The following PDK3 variants were observed in gnomAD, a reference collection of about 807,000 sequenced individuals.
The protein encoded by PDK3 is pyruvate dehydrogenase kinase, isozyme 3.
In PDK3, 12 loss-of-function variants were observed where a neutral mutation model predicts 32.0. The ratio of observed to expected loss-of-function variants is 0.37; its 90% CI spans 0.24 to 0.61. The LOEUF is 0.61. Among genes scored for constraint, PDK3 ranks in the 20% least tolerant of loss-of-function variants. The pLI, the probability that PDK3 is intolerant of heterozygous loss-of-function variation, is 0.65. For missense variants in PDK3, 188 were observed against 316.9 expected (o/e 0.59, Z 3.09); for synonymous variants, 122 against 116.3 (o/e 1.05, Z -0.31).
intron 1 of PDK3, among the ~76,000 whole-genome samples, chrX:24,488,668 G>C (rs1921468597): frequency 8.9e-6 from 1 of 112,129 alleles, no homozygotes; most frequent in African/African-American, 3.2e-5. Flanking sequence ...CTGCACTCCA[G>C]CCTGGGCAAC....
intron 1 of PDK3, among the ~76,000 whole-genome samples, chrX:24,485,209 G>A (rs1306285836): frequency 2.7e-5 from 3 of 110,858 alleles, no homozygotes; most frequent in Non-Finnish European, 3.8e-5. Flanking sequence ...TTAGCCAGGC[G>A]CGGTGGTGCA....
intron 5 of PDK3, among the ~76,000 whole-genome samples, chrX:24,508,323 G>T (rs779567993): frequency 3.9e-4 from 43 of 111,156 alleles, no homozygotes; most frequent in Non-Finnish European, 7.4e-4. Context: ...CCTCCCACAA[G>T]GCCCCACCGC....
At chrX:24,529,290 AT>A in intron 9 of PDK3, among the ~76,000 whole-genome samples, 1 of 111,753 alleles carries the variant, frequency 8.9e-6, no homozygotes, top group East Asian at 2.8e-4. Context: ...TTTTTTTCTT[AT>A]TGAAACTGAG....
chrX:24,494,144 C>G (rs183243726), intron 1 of PDK3, among the ~76,000 whole-genome samples: 89 of 112,033 alleles, frequency 7.9e-4, no homozygotes, highest in African/African-American at 2.7e-3. Flanking sequence ...TGAGTATACC[C>G]AGGAGATAGT....
chrX:24,496,771 C>CTTTTTTTTT (rs376346872), intron 2 of PDK3, among the ~76,000 whole-genome samples: 1 of 35,393 alleles, frequency 2.8e-5, no homozygotes. Flanking sequence ...TCAAAATAAT[C>CTTTTTTTTT]TTTTTTTTTT....
At position 24,496,568 on chromosome X, in the gene PDK3, C is replaced by CTTTTTTTTTTTTTT. The variant is rs763095558; in HGVS notation, c.248+1695_248+1708dup. On this transcript the variant is annotated intron_variant, in intron 2 of 10. Coordinates refer to ENST00000379162, the MANE Select transcript of PDK3 (RefSeq NM_005391.5). ...CTAATTGTCCTGATACTACCCCCAT[C>CTTTTTTTTTTTTTT]TTTTTTTTTTTTTTTTTTTTTTTGC... Among the ~76,000 whole-genome samples the CTTTTTTTTTTTTTT allele has an allele frequency of 1.5e-3, 59 of 39,326 alleles. 6 individuals carry two copies. The highest frequency in any genetic ancestry group is 5.6e-3 in the African/African-American group (50 of 9,000). 34.1% of individuals were successfully genotyped at this position (39,326 alleles called of 115,157 possible). A position where few individuals can be genotyped will look rare whatever the true frequency, so the allele number is the denominator to read the frequency against.
At chrX:24,502,294 C>T (rs1339032759) in intron 3 of PDK3, among the ~76,000 whole-genome samples, 2 of 111,379 alleles carry the variant, frequency 1.8e-5, no homozygotes, top group African/African-American at 3.3e-5. Context: ...ATTGTTAGCC[C>T]GCTGTTCCAG....
intron 1 of PDK3, among the ~76,000 whole-genome samples, chrX:24,494,353 G>A (rs982196748): frequency 6.3e-5 from 7 of 111,995 alleles, no homozygotes; most frequent in Non-Finnish European, 1.3e-4. Context: ...GAATGGATCC[G>A]TTGCCTCCTG....
chrX:24,540,066 CCT>C (rs1001306437), exon 12 of PDK3, among the ~76,000 whole-genome samples: 2 of 112,044 alleles, frequency 1.8e-5, no homozygotes, highest in African/African-American at 6.5e-5. Flanking sequence ...AGGGAAAAGG[CCT>C]CTCTAGTTTA....
chrX:24,532,756 A>G (rs759241519), intron 10 of PDK3, among the ~76,000 whole-genome samples: 1 of 111,425 alleles, frequency 9.0e-6, no homozygotes, highest in African/African-American at 3.3e-5. Flanking sequence ...AATTTTTCCC[A>G]CATAAATGAA....
At chrX:24,480,833 C>T (rs886593618) in intron 1 of PDK3, among the ~76,000 whole-genome samples, 1 of 111,633 alleles carries the variant, frequency 9.0e-6, no homozygotes, top group African/African-American at 3.3e-5. Flanking sequence ...CATAAATTTA[C>T]GTATGCTAGT....
exon 12 of PDK3, chrX:24,548,550 G>A (rs1208216265): frequency 8.9e-6 from 1 of 112,027 alleles, no homozygotes; most frequent in Admixed American, 9.5e-5. Context: ...AGTAATATTT[G>A]CCCTCCAGTT....
chrX:24,510,895 C>G, intron 5 of PDK3, among the ~76,000 whole-genome samples: 1 of 112,324 alleles, frequency 8.9e-6, no homozygotes, highest in African/African-American at 3.2e-5. Context: ...CCTTGTAGAC[C>G]AAAGCAGATG....
Position 24,524,789 on chromosome X carries a change from A to G in PDK3, c.674-1409A>G, listed in dbSNP as rs989041522. Among the ~76,000 whole-genome samples the G allele has an allele frequency of 4.5e-5, 5 of 111,980 alleles. No homozygotes were observed. The Admixed American group carries it at 4.7e-4, about 11-fold the overall frequency. On this transcript the variant is annotated intron_variant, in intron 6 of 10. Coordinates refer to ENST00000379162, the MANE Select transcript of PDK3 (RefSeq NM_005391.5). ...TTCAGACTGAAGGATAAGATAGGAA[A>G]GGGGGAAGGACTTTTGTTTTTCTTC...
chrX:24,478,862 T>C (rs1921178462), intron 1 of PDK3, among the ~76,000 whole-genome samples: 1 of 112,213 alleles, frequency 8.9e-6, no homozygotes, highest in African/African-American at 3.2e-5. Context: ...GTTGTACCAG[T>C]GTTGCTTTCT....
At chrX:24,514,289 A>G (rs908049676) in intron 5 of PDK3, among the ~76,000 whole-genome samples, 7 of 112,007 alleles carry the variant, frequency 6.2e-5, no homozygotes, top group East Asian at 5.6e-4. Flanking sequence ...TACAGTTTAG[A>G]TATTTTAACC....
chrX:24,493,627 C>T (rs1921628770), intron 1 of PDK3, among the ~76,000 whole-genome samples: 1 of 111,712 alleles, frequency 9.0e-6, no homozygotes, highest in South Asian at 3.8e-4. Flanking sequence ...GGGATGGACC[C>T]CTCAATACCA....
chrX:24,523,745 G>C (rs1001479052), intron 6 of PDK3, among the ~76,000 whole-genome samples: 1 of 111,383 alleles, frequency 9.0e-6, no homozygotes, highest in Non-Finnish European at 1.9e-5. Context: ...AAGCATTTGG[G>C]GGCCTCTCTG....
intron 1 of PDK3, among the ~76,000 whole-genome samples, chrX:24,491,961 C>T (rs943984365): frequency 4.5e-5 from 5 of 110,862 alleles, no homozygotes; most frequent in Admixed American, 2.9e-4. Context: ...CCAGAAGAAC[C>T]GGTTTCAAGT....
Sources: gnomAD v4.1 joint callset for allele counts (sites outside exome capture counted in the v4.1 genomes callset) on GRCh38, gnomAD v4.1.1 for gene constraint, MANE v1.5 for transcripts, NCBI Gene and HGNC (gene_info 2026-07-23, HGNC 2026-07-21) for gene names.